The following KCND3 variants were observed in gnomAD, a reference collection of about 807,000 sequenced individuals.
KCND3 encodes A-type voltage-gated potassium channel KCND3.
In KCND3, 9 loss-of-function variants were observed where a neutral mutation model predicts 51.1. The ratio of observed to expected loss-of-function variants is 0.18; its 90% confidence interval spans 0.11 to 0.31. The LOEUF (loss-of-function observed/expected upper bound fraction) is 0.31. Ranked by LOEUF, KCND3 falls within the 10% of genes least tolerant of loss-of-function variation. KCND3 has a pLI of 1.00. For missense variants in KCND3, 526 were observed against 903.8 expected (o/e 0.58, Z 5.36); for synonymous variants, 349 against 368.0 (o/e 0.95, Z 0.59).
chr1:111,809,607 C>G (rs1665751944), intron 2 of KCND3, among the ~76,000 whole-genome samples: 1 of 152,142 alleles, frequency 6.6e-6, no homozygotes, highest in Non-Finnish European at 1.5e-5. Flanking sequence ...CGCGCCCAGC[C>G]AGAAGATTAT....
rs557883064 is a variant in KCND3, at chr1:111,801,640, T to C, written c.1107-14534A>G. Among the ~76,000 whole-genome samples, 89 of 152,310 alleles carry C rather than the reference T, an allele frequency of 5.8e-4. 1 individual carries two copies. Among genetic ancestry groups the C allele is most frequent in the African/African-American group, 2.1e-3 (89 of 41,568 alleles). On this transcript the variant is annotated intron_variant, in intron 2 of 7. Transcript: ENST00000302127. ...CGGTTTGGCCAATTGACCCAATATA[T>C]GGCCACCAGGTGTCCCCCACTCTTC...
At chr1:111,872,503 G>A (rs1290467704) in intron 2 of KCND3, among the ~76,000 whole-genome samples, 5 of 152,182 alleles carry the variant, frequency 3.3e-5, no homozygotes, top group Non-Finnish European at 7.3e-5. Context: ...GGAAATGCTG[G>A]TATAGAAGGC....
chr1:111,796,324 T>A (rs577193408), intron 2 of KCND3, among the ~76,000 whole-genome samples: 17 of 152,000 alleles, frequency 1.1e-4, no homozygotes, highest in African/African-American at 3.9e-4. Flanking sequence ...CACATGCATG[T>A]GAATGTTCAT....
chr1:111,823,133 C>T (rs1454725881), intron 2 of KCND3, among the ~76,000 whole-genome samples: 1 of 152,154 alleles, frequency 6.6e-6, no homozygotes, highest in Non-Finnish European at 1.5e-5. Context: ...TGCTGAGGGG[C>T]CTGCTGGGAA....
intron 2 of KCND3, among the ~76,000 whole-genome samples, chr1:111,811,588 G>A (rs1665852479): frequency 6.6e-6 from 1 of 152,132 alleles, no homozygotes; most frequent in African/African-American, 2.4e-5. Context: ...CTGAGTCCCT[G>A]GGTGAATCCC....
intron 2 of KCND3, among the ~76,000 whole-genome samples, chr1:111,873,996 C>A (rs1459391299): frequency 6.6e-6 from 1 of 152,062 alleles, no homozygotes; most frequent in African/African-American, 2.4e-5. Context: ...ACACACTGGG[C>A]GAGTCATCTG....
intron 2 of KCND3, among the ~76,000 whole-genome samples, chr1:111,834,730 C>T (rs1666995118): frequency 1.3e-5 from 2 of 152,186 alleles, no homozygotes; most frequent in Non-Finnish European, 2.9e-5. Flanking sequence ...TACCTGGGTC[C>T]TCATTTTGCC....
chr1:111,805,226 G>T (rs112606058), intron 2 of KCND3, among the ~76,000 whole-genome samples: 1 of 150,970 alleles, frequency 6.6e-6, no homozygotes, highest in Non-Finnish European at 1.5e-5. Context: ...CCAACAGGGG[G>T]AAAAAAAAAG....
rs909563247 is a variant in KCND3 at position 111,972,382 on chromosome 1, C to T, written c.1106+9239G>A. ...AGAGACGGGGTTTCACCGTTTTAGC[C>T]GGGATGGTCTCGATCTCCTGACCTC... On this transcript the variant is annotated intron_variant, in intron 2 of 7. Transcript: ENST00000302127. Among the ~76,000 whole-genome samples, 8 of 151,998 alleles carry T rather than the reference C, an allele frequency of 5.3e-5. No homozygotes were observed. The South Asian group carries it at 8.3e-4, about 16-fold the overall frequency.
intron 2 of KCND3, among the ~76,000 whole-genome samples, chr1:111,900,767 G>A (rs1377032141): frequency 6.6e-6 from 1 of 152,150 alleles, no homozygotes; most frequent in African/African-American, 2.4e-5. Flanking sequence ...GACCAGCCTG[G>A]CCAACATGGT....
intron 2 of KCND3, among the ~76,000 whole-genome samples, chr1:111,857,592 G>A (rs889075856): frequency 5.9e-5 from 9 of 151,924 alleles, no homozygotes; most frequent in South Asian, 2.1e-4. Context: ...TCTGACAACC[G>A]CTTGGCCCAG....
At chr1:111,950,010 G>C (rs9429429) in intron 2 of KCND3, among the ~76,000 whole-genome samples, 1 of 152,018 alleles carries the variant, frequency 6.6e-6, no homozygotes, top group Admixed American at 6.6e-5. Flanking sequence ...TCCCGGGTTC[G>C]AGCAGTTCTT....
intron 3 of KCND3, among the ~76,000 whole-genome samples, chr1:111,783,791 C>G (rs990159727): frequency 8.7e-5 from 13 of 149,902 alleles, no homozygotes; most frequent in African/African-American, 2.9e-4. Flanking sequence ...GGCAAATAAA[C>G]AAACTGGTAC....
At chr1:111,947,226 G>T (rs1408183220) in intron 2 of KCND3, among the ~76,000 whole-genome samples, 1 of 152,116 alleles carries the variant, frequency 6.6e-6, no homozygotes. Context: ...AGGTAATTTT[G>T]CCCAATTCCT....
rs200106311 is a variant in KCND3 at position 111,982,762 on chromosome 1, C to T, written c.-36G>A. On this transcript the variant is annotated 5_prime_UTR_variant, in exon 2 of 8. Transcript: ENST00000302127. This position sits in a 1 kb window ranked among gnomAD's most constrained non-coding sequence, Gnocchi z 8.5. ...GCTCTTGGGCCGGCAGCCGCGCGGA[C>T]GCTAGGCACACCAGCTTGGAGTTAG... 5.7e-6 allele frequency: 9 copies of T among 1,579,680 alleles called. No homozygotes were observed. The highest frequency in any genetic ancestry group is 7.7e-6 in the Non-Finnish European group (9 of 1,170,046).
At chr1:111,900,231 T>C (rs1353502452) in intron 2 of KCND3, among the ~76,000 whole-genome samples, 1 of 152,112 alleles carries the variant, frequency 6.6e-6, no homozygotes, top group Non-Finnish European at 1.5e-5. Context: ...CCCTTCCCAC[T>C]TCAAGACTCT....
chr1:111,853,439 T>C lies in KCND3; in HGVS notation c.1107-66333A>G, dbSNP rs75775675. On this transcript the variant is annotated intron_variant, in intron 2 of 7. Transcript: ENST00000302127. ...ACCCAGCTCTAGAACCAGAACAATC[T>C]GGGGGGAATCTCCTTTGCTTCTCCC... is the stretch of plus-strand genomic sequence containing the variant. 2.9e-3 allele frequency among the ~76,000 whole-genome samples: 439 copies of C among 152,270 alleles called. 1 individual carries two copies. Among genetic ancestry groups the C allele is most frequent in the African/African-American group, 0.01 (426 of 41,552 alleles).
At chr1:111,978,525 A>T (rs1674767695) in intron 2 of KCND3, among the ~76,000 whole-genome samples, 1 of 152,222 alleles carries the variant, frequency 6.6e-6, no homozygotes, top group South Asian at 2.1e-4. Flanking sequence ...ACTAACCATG[A>T]ATGTGGTCAG....
At chr1:111,814,956 G>C (rs1460820370) in intron 2 of KCND3, among the ~76,000 whole-genome samples, 1 of 152,216 alleles carries the variant, frequency 6.6e-6, no homozygotes, top group African/African-American at 2.4e-5. Flanking sequence ...AGAATACCTG[G>C]CTATATTTGT....
Sources: allele counts gnomAD v4.1 joint callset (sites outside exome capture counted in the v4.1 genomes callset), GRCh38; gene constraint gnomAD v4.1.1; non-coding constraint Gnocchi (gnomAD v3.1); transcripts MANE v1.5; gene names NCBI Gene and HGNC (gene_info 2026-07-23, HGNC 2026-07-21).